Variants in NRXN1 observed in about 807,000 individuals in gnomAD.
The protein encoded by NRXN1 is neurexin 1.
Under a neutral mutation model 150.9 loss-of-function variants are expected in NRXN1, and 39 were observed. The ratio of observed to expected loss-of-function variants is 0.26; its 90% confidence interval spans 0.20 to 0.34. The LOEUF is 0.34. Ranked by LOEUF, NRXN1 falls within the 10% of genes least tolerant of loss-of-function variation. The probability of loss-of-function intolerance (pLI) is 1.00; values close to 1 mark genes in which losing one functional copy is unlikely to be tolerated. For missense variants in NRXN1, 1,815 were observed against 1,949.9 expected (o/e 0.93, Z 1.30); for synonymous variants, 924 against 757.0 (o/e 1.22, Z -3.62).
At chr2:50,551,074 A>AGAAGAAGAGGAG (rs1553775804) in intron 9 of NRXN1, among the ~76,000 whole-genome samples, 24 of 110,774 alleles carry the variant, frequency 2.2e-4, no homozygotes, top group African/African-American at 6.0e-4. Flanking sequence ...AAGAAGAAGA[A>AGAAGAAGAGGAG]GAGGAGGAGG....
At chr2:50,829,571 G>A (rs951407825) in intron 5 of NRXN1, 18 of 1,611,850 alleles carry the variant, frequency 1.1e-5, no homozygotes, top group African/African-American at 6.7e-5. Flanking sequence ...TAAACTGAAG[G>A]TCCATGTAGC....
intron 16 of NRXN1, among the ~76,000 whole-genome samples, chr2:50,467,422 G>T (rs559675715): frequency 6.6e-6 from 1 of 151,546 alleles, no homozygotes. Context: ...TGCTATTAAT[G>T]TAAAAGAGAG....
chr2:50,039,081 G>T (rs1474906099), intron 21 of NRXN1, among the ~76,000 whole-genome samples: 1 of 152,056 alleles, frequency 6.6e-6, no homozygotes, highest in Non-Finnish European at 1.5e-5. Flanking sequence ...GGAGCCTGAG[G>T]CAGGAGAATT....
rs55866813 is a variant in NRXN1 at position 50,737,685 on chromosome 2, G to T, written c.833-114070C>A. Among the ~76,000 whole-genome samples, 178 of 152,096 alleles carry T rather than the reference G, an allele frequency of 1.2e-3. 1 individual carries two copies. The highest frequency in any genetic ancestry group is 4.1e-3 in the African/African-American group (169 of 41,490). ...TTGGATGATCGCCCTCTATAACAGA[G>T]ACTTCTACATTTCATGTAAATATAC... is the stretch of plus-strand genomic sequence containing the variant. On this transcript the variant is annotated intron_variant, in intron 5 of 22. Coordinates refer to ENST00000401669, the MANE Select transcript of NRXN1 (RefSeq NM_001330078.2).
intron 9 of NRXN1, among the ~76,000 whole-genome samples, chr2:50,539,240 C>G (rs72882077): frequency 0.045 from 6,916 of 152,080 alleles, 493 homozygotes; most frequent in African/African-American, 0.16. Context: ...TAGTGTTAAA[C>G]AAAATAATAC....
At chr2:49,997,430 C>T (rs1386885691) in intron 21 of NRXN1, among the ~76,000 whole-genome samples, 1 of 152,058 alleles carries the variant, frequency 6.6e-6, no homozygotes, top group Non-Finnish European at 1.5e-5. Context: ...TACCTATAGG[C>T]AAGGCATAAG....
chr2:50,558,687 A>C (rs2105376724), intron 8 of NRXN1, among the ~76,000 whole-genome samples: 1 of 152,330 alleles, frequency 6.6e-6, no homozygotes, highest in South Asian at 2.1e-4. Context: ...TTTAAAAATT[A>C]TTTAAAGGGA....
intron 5 of NRXN1, among the ~76,000 whole-genome samples, chr2:50,836,213 G>A (rs778034870): frequency 3.3e-5 from 5 of 151,980 alleles, no homozygotes; most frequent in Non-Finnish European, 7.4e-5. Flanking sequence ...GTTTTTAATC[G>A]ACAAATAATA....
In NRXN1 at chr2:51,011,362, G is replaced by C. The variant is rs142614085; in HGVS notation, c.772+16140C>G. Among the ~76,000 whole-genome samples the C allele has an allele frequency of 3.9e-3, 592 of 152,098 alleles. 5 individuals carry two copies. The highest frequency in any genetic ancestry group is 0.013 in the African/African-American group (560 of 41,518). On this transcript the variant is annotated intron_variant, in intron 2 of 22. Coordinates refer to ENST00000401669, the MANE Select transcript of NRXN1 (RefSeq NM_001330078.2). ...GTGTAAGTGCTCCCCTGGGGACTTA[G>C]AATCAAGTGAAGAAATCAGATGGGA...
intron 11 of NRXN1, among the ~76,000 whole-genome samples, chr2:50,530,737 G>A (rs749425111): frequency 1.5e-4 from 23 of 152,152 alleles, no homozygotes; most frequent in Admixed American, 4.6e-4. Flanking sequence ...AAAAGACAGG[G>A]TACCACAAAG....
At chr2:50,796,514 T>A (rs1706855993) in intron 5 of NRXN1, among the ~76,000 whole-genome samples, 1 of 152,096 alleles carries the variant, frequency 6.6e-6, no homozygotes, top group Non-Finnish European at 1.5e-5. Flanking sequence ...TCTGGATGAC[T>A]AATGGAAGGT....
In NRXN1 at chr2:50,138,023, A is replaced by G. The variant is rs115743693; in HGVS notation, c.3547-46529T>C. 8.4e-3 allele frequency among the ~76,000 whole-genome samples: 1,276 copies of G among 152,332 alleles called. 19 individuals are homozygous for G. The highest frequency in any genetic ancestry group is 0.029 in the African/African-American group (1,215 of 41,580). On this transcript the variant is annotated intron_variant, in intron 18 of 22. Transcript: ENST00000401669. ...ATGCAAGCTAAGCCAATTGTTTTCT[A>G]ACAAAAGCTGTCATAAAAAAATTTA...
rs996518176 is a variant in NRXN1 at position 50,547,633 on chromosome 2, C to T, written c.1759+4954G>A. 17 of 152,274 alleles carry T rather than the reference C, an allele frequency of 1.1e-4. No homozygotes were observed. In the South Asian group the frequency reaches 3.5e-3, roughly 32 times the overall value. 9.4% of individuals were successfully genotyped at this position (152,274 alleles called of 1,614,324 possible). A position where few individuals can be genotyped will look rare whatever the true frequency, so the allele number is the denominator to read the frequency against. ...GCCTCTTCAATCATATTTATTAAGT[C>T]CACTGACTTAGGGGTTTTGCCCTGT... is the stretch of plus-strand genomic sequence containing the variant. On this transcript the variant is annotated intron_variant, in intron 9 of 22. Transcript: ENST00000401669.
chr2:51,004,056 T>C (rs1451530668), intron 2 of NRXN1, among the ~76,000 whole-genome samples: 2 of 146,464 alleles, frequency 1.4e-5, no homozygotes, highest in Non-Finnish European at 3.0e-5. Flanking sequence ...TGTTTGCTTG[T>C]GTGGTGGTGG....
At chr2:50,764,160 C>T (rs78335692) in intron 5 of NRXN1, among the ~76,000 whole-genome samples, 3,441 of 151,860 alleles carry the variant, frequency 0.023, 129 homozygotes, top group African/African-American at 0.08. Context: ...CAACATATCC[C>T]CCTCTCTATC....
intron 5 of NRXN1, among the ~76,000 whole-genome samples, chr2:50,713,643 T>C (rs1695487788): frequency 6.6e-6 from 1 of 152,020 alleles, no homozygotes; most frequent in South Asian, 2.1e-4. Flanking sequence ...TATAAGGAAA[T>C]ATAGGTTGGG....
intron 2 of NRXN1, among the ~76,000 whole-genome samples, chr2:50,942,061 G>A (rs901013857): frequency 1.3e-5 from 2 of 152,190 alleles, no homozygotes; most frequent in Non-Finnish European, 2.9e-5. Context: ...AGTCACTCCA[G>A]TTCCAGTCAT....
chr2:50,793,573 A>ATCT (rs1706372418), intron 5 of NRXN1, among the ~76,000 whole-genome samples: 1 of 152,136 alleles, frequency 6.6e-6, no homozygotes, highest in African/African-American at 2.4e-5. Flanking sequence ...AATTAACAGA[A>ATCT]AATCCTCCCA....
At chr2:50,405,827 G>C (rs924309212) in intron 17 of NRXN1, among the ~76,000 whole-genome samples, 3 of 152,024 alleles carry the variant, frequency 2.0e-5, no homozygotes, top group Non-Finnish European at 4.4e-5. Flanking sequence ...ATAATTACAG[G>C]AAAAATAATA....
Sources: allele counts gnomAD v4.1 joint callset (sites outside exome capture counted in the v4.1 genomes callset), GRCh38; gene constraint gnomAD v4.1.1; transcripts MANE v1.5; gene names NCBI Gene and HGNC (gene_info 2026-07-23, HGNC 2026-07-21).